ZNHIT6: variants seen among roughly 807,000 people sequenced by gnomAD.
ZNHIT6 encodes zinc finger HIT-type containing 6, also known as box C/D snoRNA protein 1.
In ZNHIT6, 45 loss-of-function variants were observed where a neutral mutation model predicts 57.2. That is an observed-to-expected ratio of 0.79 (90% confidence interval 0.62 to 1.01). The LOEUF is 1.01. Ranked by LOEUF, ZNHIT6 falls within the 50% of genes least tolerant of loss-of-function variation. The pLI, the probability that ZNHIT6 is intolerant of heterozygous loss-of-function variation, is 0.00. For synonymous variants in ZNHIT6, 188 were observed against 190.0 expected, an observed-to-expected ratio of 0.99 and a Z score of 0.09; for missense variants, 528 against 567.3, an observed-to-expected ratio of 0.93 and a Z score of 0.70.
At chr1:85,704,712 T>C (rs1233115530) in intron 4 of ZNHIT6, among the ~76,000 whole-genome samples, 1 of 152,180 alleles carries the variant, frequency 6.6e-6, no homozygotes, top group Non-Finnish European at 1.5e-5. Flanking sequence ...TAATTTTCTT[T>C]CAGATATGTG....
rs559562740 is a variant in ZNHIT6 at position 85,667,805 on chromosome 1, G to A, written c.1247+9431C>T. Among the ~76,000 whole-genome samples the A allele has an allele frequency of 1.0e-3, 151 of 150,050 alleles. 1 individual carries two copies. Among genetic ancestry groups the A allele is most frequent in the African/African-American group, 3.6e-3 (147 of 40,834 alleles). ...AAAAATTAGCCAGGTGTGGTAGTGTGTGCCTGTGATCCCAGCTACTTGGGA... is the reference window on the plus strand; with the variant it reads ...AAAAATTAGCCAGGTGTGGTAGTGTATGCCTGTGATCCCAGCTACTTGGGA... On this transcript the variant is annotated intron_variant, in intron 8 of 9. Coordinates refer to ENST00000370574, the MANE Select transcript of ZNHIT6 (RefSeq NM_017953.4).
chr1:85,670,410 C>T (rs748645647), intron 8 of ZNHIT6, among the ~76,000 whole-genome samples: 11 of 152,050 alleles, frequency 7.2e-5, no homozygotes, highest in Non-Finnish European at 1.2e-4. Flanking sequence ...GGCATCAATA[C>T]CTAGCATACA....
intron 8 of ZNHIT6, among the ~76,000 whole-genome samples, chr1:85,662,057 G>T (rs1313304426): frequency 1.3e-5 from 2 of 151,698 alleles, no homozygotes; most frequent in African/African-American, 4.8e-5. Flanking sequence ...GATAATCAAG[G>T]GTGTGCTTTT....
intron 5 of ZNHIT6, among the ~76,000 whole-genome samples, chr1:85,685,049 T>C (rs868714884): frequency 7.2e-5 from 11 of 152,310 alleles, no homozygotes; most frequent in South Asian, 2.1e-4. Context: ...TAAGGAAGTG[T>C]GGCAAAAGTG....
At chr1:85,697,178 A>G (rs1662398280) in intron 5 of ZNHIT6, among the ~76,000 whole-genome samples, 1 of 151,896 alleles carries the variant, frequency 6.6e-6, no homozygotes, top group Non-Finnish European at 1.5e-5. Flanking sequence ...CCAACCATCT[A>G]TTCTTATCCT....
intron 5 of ZNHIT6, among the ~76,000 whole-genome samples, chr1:85,697,294 A>G (rs1478957777): frequency 6.6e-6 from 1 of 151,988 alleles, no homozygotes; most frequent in Non-Finnish European, 1.5e-5. Context: ...TCACTTTATT[A>G]TGGTCTTTTT....
chr1:85,673,002 G>A (rs1213223730), intron 8 of ZNHIT6, among the ~76,000 whole-genome samples: 1 of 152,186 alleles, frequency 6.6e-6, no homozygotes, highest in Non-Finnish European at 1.5e-5. Context: ...TAAGTGGGCA[G>A]TAATACAACA....
rs1235917290 is a variant in ZNHIT6 at position 85,652,138 on chromosome 1, A to AG, written c.*1919dup. 2 of 152,164 alleles carry AG rather than the reference A, an allele frequency of 1.3e-5. No homozygotes were observed. Among genetic ancestry groups the AG allele is most frequent in the Non-Finnish European group, 2.9e-5 (2 of 68,016 alleles). The allele number at this position is 152,164 out of a possible 1,614,324, so 9.4% of individuals were successfully genotyped here. A position where few individuals can be genotyped will look rare whatever the true frequency, so the allele number is the denominator to read the frequency against. On this transcript the variant is annotated 3_prime_UTR_variant, in exon 10 of 10. Coordinates refer to ENST00000370574, the MANE Select transcript of ZNHIT6 (RefSeq NM_017953.4). ...GTCCAGGTTTCAATTTAAATTCAGA[A>AG]GGGGGGATGGAACTCAAGACTTTTC...
chr1:85,651,006 A>T lies in ZNHIT6; in HGVS notation c.*3052T>A, dbSNP rs571944137. On this transcript the variant is annotated 3_prime_UTR_variant, in exon 10 of 10. Coordinates refer to ENST00000370574, the MANE Select transcript of ZNHIT6 (RefSeq NM_017953.4). ...TCAAACCATAACAGTATATGATTAA[A>T]TAAAAATAGACCAGCATCTTTATGT... The T allele has an allele frequency of 2.0e-5, 3 of 152,338 alleles. No homozygotes were observed. The South Asian group carries it at 6.2e-4, about 32-fold the overall frequency. 9.4% of individuals were successfully genotyped at this position (152,338 alleles called of 1,614,324 possible).
chr1:85,684,484 T>C (rs72946663), intron 5 of ZNHIT6, among the ~76,000 whole-genome samples: 2,092 of 152,248 alleles, frequency 0.014, 43 homozygotes, highest in African/African-American at 0.047. Flanking sequence ...GGCTACTGTA[T>C]GCAACAGATA....
rs1465766432 is a variant in ZNHIT6 at position 85,652,572 on chromosome 1, ATTGT to A, written c.*1482_*1485del. 11 of 152,246 alleles carry A rather than the reference ATTGT, an allele frequency of 7.2e-5. No individual in the cohort carries two copies. The highest frequency in any genetic ancestry group is 1.5e-4 in the Non-Finnish European group (10 of 67,994). The allele number at this position is 152,246 out of a possible 1,614,324, so 9.4% of individuals were successfully genotyped here. A position where few individuals can be genotyped will look rare whatever the true frequency, so the allele number is the denominator to read the frequency against. The stretch of plus-strand genomic sequence containing the variant: ...TCATACCAAGGGTCCTTCTGGCATT[ATTGT>A]TTTTCGATTCTCTTCTCCAGTTTCT... On this transcript the variant is annotated 3_prime_UTR_variant, in exon 10 of 10. Transcript: ENST00000370574.
chr1:85,657,093 C>T (rs967387399), intron 9 of ZNHIT6, among the ~76,000 whole-genome samples: 3 of 152,100 alleles, frequency 2.0e-5, no homozygotes, highest in Admixed American at 1.3e-4. Flanking sequence ...GGTAATCTTC[C>T]TCACTTCTTA....
intron 1 of ZNHIT6, among the ~76,000 whole-genome samples, 181 bp from the exon 2 acceptor site, chr1:85,706,688 T>C (rs1662695006): frequency 1.3e-5 from 2 of 152,346 alleles, no homozygotes; most frequent in Middle Eastern, 6.8e-3. Context: ...ACATTTCCAA[T>C]GTTGTTAGTG....
intron 6 of ZNHIT6, 88 bp downstream of exon 6, chr1:85,680,748 T>A: frequency 1.0e-6 from 1 of 969,838 alleles, no homozygotes. Context: ...AGTTATCCAT[T>A]CTACTACTGA....
chr1:85,670,098 A>G (rs962719566), intron 8 of ZNHIT6, among the ~76,000 whole-genome samples: 2 of 152,110 alleles, frequency 1.3e-5, no homozygotes, highest in African/African-American at 4.8e-5. Flanking sequence ...TGAGAATTGA[A>G]GCCCCCAACT....
intron 5 of ZNHIT6, among the ~76,000 whole-genome samples, chr1:85,695,998 T>C (rs1030531547): frequency 6.6e-6 from 1 of 152,206 alleles, no homozygotes; most frequent in Non-Finnish European, 1.5e-5. Flanking sequence ...ATCGTGCCAC[T>C]GCACTCCAGC....
chr1:85,694,377 A>G (rs997810131), intron 5 of ZNHIT6, among the ~76,000 whole-genome samples: 2 of 152,234 alleles, frequency 1.3e-5, no homozygotes, highest in African/African-American at 4.8e-5. Context: ...TAAAGCAATT[A>G]TTGTAAAATA....
At chr1:85,657,731 TCCTGTAAGTGTGTAAATATAGTGGG>T (rs1661100284) in intron 9 of ZNHIT6, 91 bp downstream of exon 9, 1 of 973,588 alleles carries the variant, frequency 1.0e-6, no homozygotes, top group Non-Finnish European at 1.5e-6. Context: ...ATACAGTAGA[TCCTGTAAGTGTGTAAATATAGTGGG>T]AAAACACATA....
intron 9 of ZNHIT6, among the ~76,000 whole-genome samples, chr1:85,656,556 C>G (rs567939754): frequency 1.3e-5 from 2 of 152,034 alleles, no homozygotes; most frequent in South Asian, 4.2e-4. Flanking sequence ...ACAACTTTTC[C>G]CAAAACCAAC....
Sources: allele counts gnomAD v4.1 joint callset (sites outside exome capture counted in the v4.1 genomes callset), GRCh38; gene constraint gnomAD v4.1.1; transcripts MANE v1.5; gene names NCBI Gene and HGNC (gene_info 2026-07-23, HGNC 2026-07-21).